The following YTHDF1 variants were observed in gnomAD, a reference collection of about 807,000 sequenced individuals.
The protein encoded by YTHDF1 is YTH N6-methyladenosine RNA binding protein F1, also known as YTH domain-containing family protein 1.
In YTHDF1, 16 loss-of-function variants were observed where a neutral mutation model predicts 49.1. The observed-to-expected ratio is 0.33, with a 90% confidence interval of 0.22 to 0.49. The LOEUF (loss-of-function observed/expected upper bound fraction) is 0.49. Ranked by LOEUF, YTHDF1 falls within the 20% of genes least tolerant of loss-of-function variation. YTHDF1 has a pLI of 0.99. For missense variants in YTHDF1, 621 were observed against 744.3 expected (o/e 0.83, Z 1.93); for synonymous variants, 313 against 290.1 (o/e 1.08, Z -0.80).
intron 3 of YTHDF1, among the ~76,000 whole-genome samples, chr20:63,204,807 C>A (rs150211093): frequency 6.6e-6 from 1 of 152,098 alleles, no homozygotes; most frequent in Non-Finnish European, 1.5e-5. Flanking sequence ...AGTTCTGGGA[C>A]GGCATCTCCT....
chr20:63,206,657 C>G (rs926644066), intron 3 of YTHDF1, among the ~76,000 whole-genome samples: 4 of 152,260 alleles, frequency 2.6e-5, no homozygotes, highest in Non-Finnish European at 5.9e-5. Flanking sequence ...CCGGGTTCCA[C>G]GGCCACACAG....
intron 2 of YTHDF1, among the ~76,000 whole-genome samples, chr20:63,214,472 C>T (rs1178310914): frequency 2.0e-5 from 3 of 152,130 alleles, no homozygotes; most frequent in African/African-American, 4.8e-5. Context: ...AAGGACACAC[C>T]CATGATACAA....
At position 63,203,014 on chromosome 20, in the gene YTHDF1, G is replaced by A. The variant is rs1235957499; in HGVS notation, c.926C>T (p.Pro309Leu). Residue 309 changes from proline to leucine, a missense_variant, in exon 4 of 5, where the codon CCC becomes CTC. By Grantham distance (98) the Pro-to-Leu change is moderately conservative. This residue lies in a region of YTHDF1 where 470 missense variants were observed against 495.8 expected (regional missense o/e 0.95). Transcript: ENST00000370339. The surrounding 1 kb of genome is among the most constrained non-coding windows in gnomAD (Gnocchi z 4.4). ...ATACTGCGGTTGAGCCAAAGCTGGGGGCTGTGCTGGGAGAGGCTGAGCCAC... is the reference window on the plus strand; with the variant it reads ...ATACTGCGGTTGAGCCAAAGCTGGGAGCTGTGCTGGGAGAGGCTGAGCCAC... ...QQVAQPLPAQPPALAQPQYQS... is the reference protein window; with the variant it reads ...QQVAQPLPAQLPALAQPQYQS... 2.5e-6 allele frequency: 4 copies of A among 1,611,340 alleles called. No individual in the cohort carries two copies. The highest frequency in any genetic ancestry group is 3.4e-6 in the Non-Finnish European group (4 of 1,178,860).
At chr20:63,213,788 A>G in intron 3 of YTHDF1, 76 bp downstream of exon 3, 4 of 1,330,156 alleles carry the variant, frequency 3.0e-6, no homozygotes, top group Non-Finnish European at 4.2e-6. Context: ...TAATTTAAAA[A>G]TCAGAAATGA....
intron 4 of YTHDF1, among the ~76,000 whole-genome samples, chr20:63,200,888 T>C (rs1601231849): frequency 6.6e-6 from 1 of 152,232 alleles, no homozygotes; most frequent in Non-Finnish European, 1.5e-5. Flanking sequence ...GTATTCATTT[T>C]ATACCTAAAA....
In YTHDF1 at chr20:63,196,575, A is replaced by T. The variant is rs2036729364; in HGVS notation, c.*133T>A. On this transcript the variant is annotated 3_prime_UTR_variant, in exon 5 of 5. Coordinates refer to ENST00000370339, the MANE Select transcript of YTHDF1 (RefSeq NM_017798.4). The stretch of plus-strand genomic sequence containing the variant: ...ATAAATGCAGATCCATCTGGGCAAA[A>T]ATCAACGACAAGAAAGGCAAAGATG... The T allele has an allele frequency of 1.9e-6, 2 of 1,063,718 alleles. No individual in the cohort carries two copies. The highest frequency in any genetic ancestry group is 2.8e-6 in the Non-Finnish European group (2 of 722,304). 65.9% of individuals were successfully genotyped at this position (1,063,718 alleles called of 1,614,324 possible).
Position 63,202,286 on chromosome 20 carries a change from C to T in YTHDF1, c.1653+1G>A. Reference sequence around the variant, plus strand: ...CAGTTGCCTGCAACACCCAGCCTCACCTTGCGCACCACCTCCTCCTCCTCC... The same window carrying T: ...CAGTTGCCTGCAACACCCAGCCTCATCTTGCGCACCACCTCCTCCTCCTCC... On this transcript the variant is annotated splice_donor_variant, in intron 4 of 4. Transcript: ENST00000370339. LOFTEE classifies it high-confidence loss of function. 6.2e-7 allele frequency: 1 copy of T among 1,610,462 alleles called. No individual in the cohort carries two copies. Among genetic ancestry groups the T allele is most frequent in the Non-Finnish European group, 8.5e-7 (1 of 1,177,596 alleles).
chr20:63,215,507 C>T, intron 2 of YTHDF1, 70 bp downstream of exon 2: 1 of 1,606,370 alleles, frequency 6.2e-7, no homozygotes, highest in Non-Finnish European at 8.5e-7. Flanking sequence ...CCAGACGCAG[C>T]TTCCTGGACC....
chr20:63,197,931 T>A (rs1164991530), intron 4 of YTHDF1, among the ~76,000 whole-genome samples: 1 of 152,184 alleles, frequency 6.6e-6, no homozygotes, highest in Non-Finnish European at 1.5e-5. Flanking sequence ...GGCACTGGAA[T>A]AAACACCAGC....
rs774006087 is a variant in YTHDF1 at position 63,203,015 on chromosome 20, G to A, written c.925C>T (p.Pro309Ser). ...QQVAQPLPAQPPALAQPQYQS... is the reference protein window; with the variant it reads ...QQVAQPLPAQSPALAQPQYQS... The stretch of plus-strand genomic sequence containing the variant: ...TACTGCGGTTGAGCCAAAGCTGGGG[G>A]CTGTGCTGGGAGAGGCTGAGCCACC... The change falls in exon 4 of 5, where the codon CCC (proline) becomes TCC (serine). Residue 309 changes from proline (P) to serine (S), a missense_variant. Physicochemically the swap from Pro to Ser is moderately conservative, Grantham distance 74. This residue lies in a region of YTHDF1 where 470 missense variants were observed against 495.8 expected (regional missense o/e 0.95). Coordinates refer to ENST00000370339, the MANE Select transcript of YTHDF1 (RefSeq NM_017798.4). The surrounding 1 kb of genome is among the most constrained non-coding windows in gnomAD (Gnocchi z 4.4). 5 of 1,611,116 alleles carry A rather than the reference G, an allele frequency of 3.1e-6. No individual in the cohort carries two copies.
At chr20:63,198,079 A>G (rs773853358) in intron 4 of YTHDF1, among the ~76,000 whole-genome samples, 23 of 152,082 alleles carry the variant, frequency 1.5e-4, no homozygotes, top group Non-Finnish European at 2.8e-4. Context: ...CTCAAATGTA[A>G]AACTGGAAAA....
chr20:63,214,082 A>G (rs2066589379), intron 2 of YTHDF1, 139 bp from the exon 3 acceptor site: 2 of 1,392,934 alleles, frequency 1.4e-6, no homozygotes, highest in Admixed American at 6.9e-5. Context: ...TACAACCAGT[A>G]TAGAACTGAT....
At position 63,213,962 on chromosome 20, in the gene YTHDF1, AAAT is replaced by A. The variant is rs892267039; in HGVS notation, c.53-22_53-20del. On this transcript the variant is annotated intron_variant, in intron 2 of 4. Coordinates refer to ENST00000370339, the MANE Select transcript of YTHDF1 (RefSeq NM_017798.4). ...TTTTGTACTAGAACAAAAAGTTGCA[AAAT>A]ATTACCCTCAAATTTTAAAAGATTA... 6.4e-7 allele frequency: 1 copy of A among 1,570,470 alleles called. No homozygotes were observed. Among genetic ancestry groups the A allele is most frequent in the East Asian group, 2.3e-5 (1 of 43,254 alleles).
At chr20:63,197,087 C>A (rs2066495780) in intron 4 of YTHDF1, among the ~76,000 whole-genome samples, 1 of 152,244 alleles carries the variant, frequency 6.6e-6, no homozygotes, top group Non-Finnish European at 1.5e-5. Context: ...GTGAAATTCT[C>A]TGCACTCAGA....
At chr20:63,215,518 G>A (rs2066597353) in intron 2 of YTHDF1, 59 bp downstream of exon 2, 1 of 1,610,324 alleles carries the variant, frequency 6.2e-7, no homozygotes, top group Non-Finnish European at 8.5e-7. Flanking sequence ...TTCCTGGACC[G>A]TTCCTTCCCC....
Position 63,203,339 on chromosome 20 carries a change from T to C in YTHDF1, c.601A>G (p.Lys201Glu), listed in dbSNP as rs1398944292. ...CTGCTGACGACAGAGCCCACCGTCTTGACGGCGGAGGAGCTGACGTCCCCA... is the reference window on the plus strand; with the variant it reads ...CTGCTGACGACAGAGCCCACCGTCTCGACGGCGGAGGAGCTGACGTCCCCA... ...KIGDVSSSAV[K>E]TVGSVVSSVA... The change falls in exon 4 of 5, where the codon AAG becomes GAG. Residue 201 changes from lysine (K) to glutamate (E), a missense_variant. Physicochemically the swap from Lys to Glu is moderately conservative, Grantham distance 56. Transcript: ENST00000370339. This position sits in a 1 kb window ranked among gnomAD's most constrained non-coding sequence, Gnocchi z 4.4. 2 of 1,613,384 alleles carry C rather than the reference T, an allele frequency of 1.2e-6. No homozygotes were observed. The highest frequency in any genetic ancestry group is 1.7e-5 in the Admixed American group (1 of 60,010).
At chr20:63,204,745 G>A (rs548459083) in intron 3 of YTHDF1, among the ~76,000 whole-genome samples, 46 of 152,262 alleles carry the variant, frequency 3.0e-4, no homozygotes, top group African/African-American at 9.4e-4. Flanking sequence ...GTGCCCCATC[G>A]TAGGGGTCTC....
chr20:63,198,237 A>G (rs1008349592), intron 4 of YTHDF1, among the ~76,000 whole-genome samples: 3 of 151,734 alleles, frequency 2.0e-5, no homozygotes, highest in African/African-American at 7.3e-5. Flanking sequence ...ATTTGAGACC[A>G]GCTTGGTCAA....
At chr20:63,201,881 G>A (rs1437659441) in intron 4 of YTHDF1, among the ~76,000 whole-genome samples, 2 of 152,232 alleles carry the variant, frequency 1.3e-5, no homozygotes, top group Admixed American at 6.5e-5. Context: ...GCAGTGCTTC[G>A]TGAATATCAC....
Sources: gnomAD v4.1 joint callset for allele counts (sites outside exome capture counted in the v4.1 genomes callset) on GRCh38, gnomAD v4.1.1 for gene constraint, gnomAD v4.1.1 regional missense constraint, Gnocchi (gnomAD v3.1) non-coding constraint, MANE v1.5 for transcripts, NCBI Gene and HGNC (gene_info 2026-07-23, HGNC 2026-07-21) for gene names.